PAX2: variants seen among roughly 807,000 people sequenced by gnomAD.
PAX2 encodes paired box 2, also known as paired box protein Pax-2.
A neutral mutation model predicts 41.7 loss-of-function variants in PAX2; 9 were observed. The ratio of observed to expected loss-of-function variants is 0.22; its 90% CI spans 0.13 to 0.38. PAX2 has a LOEUF of 0.38. PAX2 is among the 10% of genes least tolerant of loss of function. The pLI, the probability that PAX2 is intolerant of heterozygous loss-of-function variation, is 1.00. For missense variants in PAX2, 418 were observed against 531.6 expected (o/e 0.79, Z 2.10); for synonymous variants, 221 against 212.7 (o/e 1.04, Z -0.34).
intron 7 of PAX2, among the ~76,000 whole-genome samples, chr10:100,821,238 A>T (rs1009325718): frequency 6.6e-6 from 1 of 152,124 alleles, no homozygotes; most frequent in Non-Finnish European, 1.5e-5. Context: ...AGTTTGGTCA[A>T]TTTTTTCTGC....
At chr10:100,766,970 C>A (rs529998434) in intron 3 of PAX2, among the ~76,000 whole-genome samples, 1 of 152,296 alleles carries the variant, frequency 6.6e-6, no homozygotes, top group African/African-American at 2.4e-5. Flanking sequence ...TGCCACCAAA[C>A]AATACTCAAA....
chr10:100,786,678 G>A (rs375604973), intron 5 of PAX2, among the ~76,000 whole-genome samples: 6 of 152,236 alleles, frequency 3.9e-5, no homozygotes, highest in East Asian at 1.9e-4. Context: ...TGTGTTGAGC[G>A]CCCATGGTCC....
Position 100,745,608 on chromosome 10 carries a change from C to G in PAX2, c.-653C>G, listed in dbSNP as rs1000049114. ...GTCTCCGGCCGAGTCTTCTCGCAGC[C>G]GCAACCCACCTGGGGCCAGCCCAGA... On this transcript the variant is annotated 5_prime_UTR_variant, in exon 1 of 10. Transcript: ENST00000355243. 5.0e-4 allele frequency: 140 copies of G among 277,868 alleles called. No homozygotes were observed. The highest frequency in any genetic ancestry group is 2.7e-3 in the African/African-American group (118 of 44,212). The allele number at this position is 277,868 out of a possible 1,614,324, so 17.2% of individuals were successfully genotyped here. A position where few individuals can be genotyped will look rare whatever the true frequency, so the allele number is the denominator to read the frequency against.
rs1436701401 is a variant in PAX2 at position 100,824,697 on chromosome 10, C to A, written c.969C>A (p.Pro323=). The part of the protein sequence containing the change: ...TTLPGYPPHV[P]PTGQGSYPTS... ...TGCCTGGTTACCCCCCTCACGTGCC[C>A]CCCACTGGCCAGGGAAGCTACCCCA... The change falls in exon 8 of 10, where the codon CCC becomes CCA. Residue 323 remains proline, a synonymous_variant. Transcript: ENST00000355243. This position sits in a 1 kb window ranked among gnomAD's most constrained non-coding sequence, Gnocchi z 6.6. 1 of 1,611,378 alleles carries A rather than the reference C, an allele frequency of 6.2e-7. No individual in the cohort carries two copies. Among genetic ancestry groups the A allele is most frequent in the African/African-American group, 1.3e-5 (1 of 74,840 alleles).
At chr10:100,802,990 T>C (rs1478159847) in intron 5 of PAX2, among the ~76,000 whole-genome samples, 9 of 151,936 alleles carry the variant, frequency 5.9e-5, no homozygotes. Flanking sequence ...CCTTGGAAAG[T>C]CCCATGCCGA....
At chr10:100,763,758 C>A (rs769845854) in intron 3 of PAX2, among the ~76,000 whole-genome samples, 1 of 152,170 alleles carries the variant, frequency 6.6e-6, no homozygotes, top group South Asian at 2.1e-4. Context: ...TGCTAAGCAC[C>A]TACTATGTGC....
intron 5 of PAX2, among the ~76,000 whole-genome samples, chr10:100,805,930 C>T (rs1847765586): frequency 6.6e-6 from 1 of 152,208 alleles, no homozygotes; most frequent in Non-Finnish European, 1.5e-5. Flanking sequence ...ATTACTTCAC[C>T]CAGTCTCCAG....
At chr10:100,814,956 A>T (rs1017452524) in intron 7 of PAX2, among the ~76,000 whole-genome samples, 1 of 152,246 alleles carries the variant, frequency 6.6e-6, no homozygotes, top group Non-Finnish European at 1.5e-5. Context: ...TCACAGCTGG[A>T]CAGCAGCAGG....
At chr10:100,745,538 G>A (rs930828965), upstream of PAX2, among the ~76,000 whole-genome samples, 45 of 152,148 alleles carry the variant, frequency 3.0e-4, no homozygotes, top group African/African-American at 1.0e-3. Context: ...TCTGGAGGGG[G>A]CTTTGCAGCT....
chr10:100,803,022 G>A (rs1314516159), intron 5 of PAX2, among the ~76,000 whole-genome samples: 1 of 151,950 alleles, frequency 6.6e-6, no homozygotes, highest in Non-Finnish European at 1.5e-5. Context: ...ATCTTCCCGG[G>A]AGAACCCTCT....
At chr10:100,790,019 G>A (rs1286434630) in intron 5 of PAX2, among the ~76,000 whole-genome samples, 1 of 152,154 alleles carries the variant, frequency 6.6e-6, no homozygotes, top group Non-Finnish European at 1.5e-5. Flanking sequence ...ATAGGTGCAT[G>A]CATCTGCATA....
intron 3 of PAX2, among the ~76,000 whole-genome samples, chr10:100,776,723 A>G (rs11190699): frequency 0.13 from 20,006 of 152,040 alleles, 1,777 homozygotes; most frequent in Middle Eastern, 0.27. Flanking sequence ...TTCCCTCCAA[A>G]ACCAGTCACC....
In PAX2 at chr10:100,791,305, G is replaced by A. The variant is rs906860006; in HGVS notation, c.616+9940G>A. On this transcript the variant is annotated intron_variant, in intron 5 of 9. Transcript: ENST00000355243. The surrounding 1 kb of genome is among the most constrained non-coding windows in gnomAD (Gnocchi z 4.5). ...TTTTACACCTTGCCCTTCTCTTTCTGCCCCAGGCTTCACCTTTTTCAGGAG... is the reference window on the plus strand; with the variant it reads ...TTTTACACCTTGCCCTTCTCTTTCTACCCCAGGCTTCACCTTTTTCAGGAG... Among the ~76,000 whole-genome samples, 1 of 152,130 alleles carries A rather than the reference G, an allele frequency of 6.6e-6. No homozygotes were observed. The highest frequency in any genetic ancestry group is 1.5e-5 in the Non-Finnish European group (1 of 68,018).
intron 3 of PAX2, among the ~76,000 whole-genome samples, chr10:100,775,654 C>G (rs1846361396): frequency 6.6e-6 from 1 of 152,226 alleles, no homozygotes; most frequent in East Asian, 1.9e-4. Flanking sequence ...AGTTCTCTCT[C>G]TCAGCCAGCC....
chr10:100,746,093 C>G lies in PAX2; in HGVS notation c.-168C>G. On this transcript the variant is annotated 5_prime_UTR_variant, in exon 1 of 10. Transcript: ENST00000355243. ...TCCGGCCAACCCGGAGGAGCCCCAG[C>G]GGGGAGCGCAGTGCTGCGCCCCCCG... 1 of 1,518,240 alleles carries G rather than the reference C, an allele frequency of 6.6e-7. No homozygotes were observed. Among genetic ancestry groups the G allele is most frequent in the Non-Finnish European group, 8.8e-7 (1 of 1,141,996 alleles). 94.0% of individuals were successfully genotyped at this position (1,518,240 alleles called of 1,614,324 possible). A position where few individuals can be genotyped will look rare whatever the true frequency, so the allele number is the denominator to read the frequency against.
In PAX2 at chr10:100,827,962, C is replaced by A. The variant is rs1848647779; in HGVS notation, c.*343C>A. The A allele has an allele frequency of 3.2e-6, 1 of 313,392 alleles. No individual in the cohort carries two copies. The highest frequency in any genetic ancestry group is 2.2e-5 in the African/African-American group (1 of 46,192). The allele number at this position is 313,392 out of a possible 1,614,324, so 19.4% of individuals were successfully genotyped here. On this transcript the variant is annotated 3_prime_UTR_variant, in exon 10 of 10. Coordinates refer to ENST00000355243, the MANE Select transcript of PAX2 (RefSeq NM_000278.5). The surrounding 1 kb of genome is among the most constrained non-coding windows in gnomAD (Gnocchi z 8.5). ...AGCCAGCCCCGAAGCCCGCCAGCCA[C>A]CCTGCCGGACTCGGGCGCGACCTGC...
Position 100,819,247 on chromosome 10 carries a change from C to CA in PAX2, c.920-5389dup, listed in dbSNP as rs869171435. 6.6e-3 allele frequency among the ~76,000 whole-genome samples: 702 copies of CA among 106,792 alleles called. 5 individuals are homozygous for CA. The highest frequency in any genetic ancestry group is 9.9e-3 in the Non-Finnish European group (508 of 51,090). The allele number at this position is 106,792 out of a possible 152,430, so 70.1% of individuals were successfully genotyped here. On this transcript the variant is annotated intron_variant, in intron 7 of 9. Transcript: ENST00000355243. ...TGGGAGACAGAGCAAGACTCTGTCT[C>CA]AAAAAAAAAAAAGGGGGGGGAGTTT...
chr10:100,765,492 A>G (rs1404608587), intron 3 of PAX2, among the ~76,000 whole-genome samples: 2 of 152,228 alleles, frequency 1.3e-5, no homozygotes, highest in Non-Finnish European at 2.9e-5. Flanking sequence ...TTCGTCATTT[A>G]TGCCTATTAG....
At chr10:100,747,986 G>C in intron 1 of PAX2, 5 of 984,016 alleles carry the variant, frequency 5.1e-6, no homozygotes, top group Non-Finnish European at 6.0e-6. Context: ...CGGAGGGAGA[G>C]AGCCGCAGCG....
Sources: gnomAD v4.1 joint callset for allele counts (sites outside exome capture counted in the v4.1 genomes callset) on GRCh38, gnomAD v4.1.1 for gene constraint, Gnocchi (gnomAD v3.1) non-coding constraint, MANE v1.5 for transcripts, NCBI Gene and HGNC (gene_info 2026-07-23, HGNC 2026-07-21) for gene names.